PALLD: variants seen among roughly 807,000 people sequenced by gnomAD.
PALLD encodes palladin.
In PALLD, 61 loss-of-function variants were observed where a neutral mutation model predicts 123.5. That is an observed-to-expected ratio of 0.49 (90% CI 0.40 to 0.61). The LOEUF (loss-of-function observed/expected upper bound fraction) is 0.61, where lower values mean the gene tolerates loss of function less well. PALLD is among the 20% of genes least tolerant of loss of function. The pLI, the probability that PALLD is intolerant of heterozygous loss-of-function variation, is 0.00. For synonymous variants in PALLD, 465 were observed against 496.4 expected (o/e 0.94, Z 0.84); for missense variants, 1,273 against 1,377.0 (o/e 0.92, Z 1.20).
chr4:168,732,910 A>G (rs562990132), intron 10 of PALLD, among the ~76,000 whole-genome samples: 8 of 152,336 alleles, frequency 5.3e-5, no homozygotes, highest in African/African-American at 1.7e-4. Flanking sequence ...CAGTAGTAGG[A>G]TAGGTCAGAA....
chr4:168,639,291 A>G (rs1216277950), intron 2 of PALLD, among the ~76,000 whole-genome samples: 1 of 152,232 alleles, frequency 6.6e-6, no homozygotes, highest in African/African-American at 2.4e-5. Flanking sequence ...TACTGCCCAC[A>G]GTTATAACTG....
At chr4:168,563,621 A>G (rs950128471) in intron 2 of PALLD, among the ~76,000 whole-genome samples, 18 of 152,218 alleles carry the variant, frequency 1.2e-4, no homozygotes, top group Non-Finnish European at 1.9e-4. Context: ...AGCAAGGTCA[A>G]ACTGTTCATT....
chr4:168,864,851 T>C (rs79402526), intron 10 of PALLD, among the ~76,000 whole-genome samples: 3,813 of 152,354 alleles, frequency 0.025, 62 homozygotes, highest in Non-Finnish European at 0.038. Context: ...CAGTCACAGA[T>C]ACCATATTAT....
intron 1 of PALLD, among the ~76,000 whole-genome samples, chr4:168,501,806 C>A (rs933885572): frequency 6.6e-6 from 1 of 152,152 alleles, no homozygotes; most frequent in Non-Finnish European, 1.5e-5. Flanking sequence ...AGGGTGTGCC[C>A]CCCAAAACAA....
At chr4:168,670,925 G>A (rs1484899526) in intron 3 of PALLD, among the ~76,000 whole-genome samples, 2 of 151,420 alleles carry the variant, frequency 1.3e-5, no homozygotes, top group African/African-American at 2.4e-5. Context: ...AATTAGCCAG[G>A]CATGATGGCA....
intron 10 of PALLD, among the ~76,000 whole-genome samples, chr4:168,862,718 A>G (rs72975221): frequency 0.051 from 7,786 of 152,278 alleles, 671 homozygotes; most frequent in African/African-American, 0.18. Flanking sequence ...AAAGGGTTAC[A>G]AAGACAAGTT....
At chr4:168,529,416 G>C (rs1270536922) in intron 2 of PALLD, among the ~76,000 whole-genome samples, 1 of 152,042 alleles carries the variant, frequency 6.6e-6, no homozygotes, top group African/African-American at 2.4e-5. Flanking sequence ...CATAGTATTA[G>C]CGCAAGTGCA....
chr4:168,673,487 G>A (rs1295436215), intron 3 of PALLD, among the ~76,000 whole-genome samples: 2 of 152,218 alleles, frequency 1.3e-5, no homozygotes, highest in African/African-American at 4.8e-5. Context: ...TAGCTCAGAG[G>A]CTTGGGCCGC....
chr4:168,900,812 C>T (rs894924403), intron 14 of PALLD, among the ~76,000 whole-genome samples: 5 of 152,150 alleles, frequency 3.3e-5, no homozygotes, highest in African/African-American at 1.2e-4. Flanking sequence ...TGTTATCAAA[C>T]GCATGTATTA....
intron 2 of PALLD, among the ~76,000 whole-genome samples, chr4:168,608,154 C>T (rs1349259589): frequency 6.6e-6 from 1 of 152,188 alleles, no homozygotes; most frequent in Non-Finnish European, 1.5e-5. Flanking sequence ...GCATTGGGAG[C>T]AGCGCTGGCA....
chr4:168,911,516 C>A (rs1357036938), intron 15 of PALLD, among the ~76,000 whole-genome samples: 1 of 152,150 alleles, frequency 6.6e-6, no homozygotes, highest in African/African-American at 2.4e-5. Context: ...TCCTTGTCCT[C>A]AACCTCCAAA....
intron 2 of PALLD, among the ~76,000 whole-genome samples, chr4:168,551,667 T>G (rs1260925559): frequency 6.6e-6 from 1 of 152,052 alleles, no homozygotes. Flanking sequence ...TTTTTAACAT[T>G]TTATAACTTG....
chr4:168,544,679 A>G (rs1765969865), intron 2 of PALLD, among the ~76,000 whole-genome samples: 1 of 152,248 alleles, frequency 6.6e-6, no homozygotes, highest in Non-Finnish European at 1.5e-5. Context: ...TATTATCAGC[A>G]TTTGTAGAAA....
chr4:168,664,246 AT>A (rs1278330064), intron 2 of PALLD, among the ~76,000 whole-genome samples: 4 of 151,040 alleles, frequency 2.6e-5, no homozygotes, highest in African/African-American at 9.8e-5. Context: ...CTTTAAAAAA[AT>A]AAATTAAGAC....
chr4:168,531,787 G>C (rs1167518839), intron 2 of PALLD, among the ~76,000 whole-genome samples: 4 of 152,174 alleles, frequency 2.6e-5, no homozygotes, highest in Non-Finnish European at 5.9e-5. Flanking sequence ...CCTACAGAGG[G>C]CATGTTAAAC....
chr4:168,611,893 C>T (rs767439435), intron 2 of PALLD, among the ~76,000 whole-genome samples: 1 of 152,178 alleles, frequency 6.6e-6, no homozygotes, highest in Admixed American at 6.5e-5. Flanking sequence ...GGCGCCATGG[C>T]TCATGCCTGT....
At chr4:168,580,266 G>GTGTA (rs773111963) in intron 2 of PALLD, among the ~76,000 whole-genome samples, 161 of 150,526 alleles carry the variant, frequency 1.1e-3, no homozygotes, top group Non-Finnish European at 1.7e-3. Context: ...GTGTGTGTGT[G>GTGTA]TGTATCACAT....
At chr4:168,704,931 C>T (rs987664037) in intron 8 of PALLD, among the ~76,000 whole-genome samples, 3 of 151,994 alleles carry the variant, frequency 2.0e-5, no homozygotes, top group Non-Finnish European at 2.9e-5. Context: ...TTTTAAAATA[C>T]TGCATAATGA....
At chr4:168,777,353 G>T (rs564768951) in intron 10 of PALLD, among the ~76,000 whole-genome samples, 1 of 152,254 alleles carries the variant, frequency 6.6e-6, no homozygotes, top group Admixed American at 6.5e-5. Context: ...TTGCTCCATT[G>T]TCCAGTCTTG....
Sources: allele counts gnomAD v4.1 joint callset (sites outside exome capture counted in the v4.1 genomes callset), GRCh38; gene constraint gnomAD v4.1.1; transcripts MANE v1.5; gene names NCBI Gene and HGNC (gene_info 2026-07-23, HGNC 2026-07-21).